Variants in RGS16 observed in about 807,000 individuals in gnomAD.
RGS16 encodes the protein hRGS-r.
Under a neutral mutation model 18.1 loss-of-function variants are expected in RGS16, and 12 were observed. That is an observed-to-expected ratio of 0.66 (90% CI 0.42 to 1.07). The LOEUF is 1.07. Among genes scored for constraint, RGS16 ranks in the 50% least tolerant of loss-of-function variants. The pLI, the probability that RGS16 is intolerant of heterozygous loss-of-function variation, is 0.00. For missense variants in RGS16, 238 were observed against 249.2 expected (o/e 0.95, Z 0.30); for synonymous variants, 88 against 102.0 (o/e 0.86, Z 0.83).
rs970909010 is a variant in RGS16 at position 182,600,156 on chromosome 1, ATTTTTTTTTTTT to A, written c.*124_*135del. 19 of 330,014 alleles carry A rather than the reference ATTTTTTTTTTTT, an allele frequency of 5.8e-5. No individual in the cohort carries two copies. Among genetic ancestry groups the A allele is most frequent in the East Asian group, 3.3e-4 (5 of 14,970 alleles). The allele number at this position is 330,014 out of a possible 1,614,324, so 20.4% of individuals were successfully genotyped here. A position where few individuals can be genotyped will look rare whatever the true frequency, so the allele number is the denominator to read the frequency against. On this transcript the variant is annotated 3_prime_UTR_variant, in exon 5 of 5. Transcript: ENST00000367558. ...CTTCCCAAACAGGCTGCTGGAGCGC[ATTTTTTTTTTTT>A]TTTTTTTTTTTTTTGTCCTCTTGCA...
At chr1:182,601,084 G>C (rs927537694) in intron 4 of RGS16, among the ~76,000 whole-genome samples, 2 of 152,210 alleles carry the variant, frequency 1.3e-5, no homozygotes, top group African/African-American at 4.8e-5. Flanking sequence ...CCGTGACTGT[G>C]ACAGGCAGGC....
At chr1:182,602,347 T>A (rs1411344547) in intron 3 of RGS16, 73 bp downstream of exon 3, 6 of 1,335,814 alleles carry the variant, frequency 4.5e-6, no homozygotes, top group Non-Finnish European at 6.4e-6. Flanking sequence ...CTCTCAGCAG[T>A]CCTGGGGCTG....
At chr1:182,603,754 G>A (rs941529123) in intron 1 of RGS16, among the ~76,000 whole-genome samples, 9 of 151,714 alleles carry the variant, frequency 5.9e-5, no homozygotes, top group Middle Eastern at 6.8e-3. Flanking sequence ...AAGCTGTTGA[G>A]TAGCTCTCTG....
At position 182,599,943 on chromosome 1, in the gene RGS16, T is replaced by G. The variant is rs190664888; in HGVS notation, c.*349A>C. On this transcript the variant is annotated 3_prime_UTR_variant, in exon 5 of 5. Coordinates refer to ENST00000367558, the MANE Select transcript of RGS16 (RefSeq NM_002928.4). ...ATTTTCATGGTTCCCTTTATCCACA[T>G]GTTTCCTAAACCACACTAGAACACT... 7.3e-6 allele frequency: 2 copies of G among 273,870 alleles called. No individual in the cohort carries two copies. The highest frequency in any genetic ancestry group is 1.5e-4 in the East Asian group (2 of 13,110). The allele number at this position is 273,870 out of a possible 1,614,324, so 17.0% of individuals were successfully genotyped here.
chr1:182,602,493 C>T lies in RGS16; in HGVS notation c.156-9G>A. 11 of 1,596,144 alleles carry T rather than the reference C, an allele frequency of 6.9e-6. No homozygotes were observed. The highest frequency in any genetic ancestry group is 9.4e-6 in the Non-Finnish European group (11 of 1,172,608). ...CTTCTGAGAAGTTTCTACTAAAAGA[C>T]AAAAAGAAAAAAAAAGAGTAAGAAA... is the stretch of plus-strand genomic sequence containing the variant. On this transcript the variant is annotated splice_polypyrimidine_tract_variant and intron_variant, in intron 2 of 4. Coordinates refer to ENST00000367558, the MANE Select transcript of RGS16 (RefSeq NM_002928.4).
chr1:182,602,232 A>C, intron 3 of RGS16, 100 bp from the exon 4 acceptor site: 1 of 1,373,440 alleles, frequency 7.3e-7, no homozygotes, highest in South Asian at 1.2e-5. Flanking sequence ...CTATTTTTAG[A>C]ACATAATTTT....
At chr1:182,602,355 C>G in intron 3 of RGS16, 65 bp downstream of exon 3, 1 of 1,404,744 alleles carries the variant, frequency 7.1e-7, no homozygotes, top group Non-Finnish European at 1.0e-6. Flanking sequence ...AGTCCTGGGG[C>G]TGGCTCCAAA....
chr1:182,600,581 C>A, intron 4 of RGS16, 68 bp from the exon 5 acceptor site: 5 of 1,317,308 alleles, frequency 3.8e-6, no homozygotes, highest in Non-Finnish European at 5.5e-6. Context: ...GGAGGGCCAA[C>A]GGCAGGCTGG....
chr1:182,603,373 C>T, intron 1 of RGS16, 34 bp from the exon 2 acceptor site: 1 of 1,561,208 alleles, frequency 6.4e-7, no homozygotes, highest in Non-Finnish European at 8.8e-7. Context: ...AAAGCATTCT[C>T]TCATTTGCTC....
chr1:182,603,384 A>G, intron 1 of RGS16, 45 bp from the exon 2 acceptor site: 1 of 1,533,720 alleles, frequency 6.5e-7, no homozygotes, highest in South Asian at 1.1e-5. Flanking sequence ...TCATTTGCTC[A>G]GCCAGTGTGG....
At chr1:182,601,672 G>A (rs1283107649) in intron 4 of RGS16, among the ~76,000 whole-genome samples, 1 of 152,204 alleles carries the variant, frequency 6.6e-6, no homozygotes, top group African/African-American at 2.4e-5. Flanking sequence ...TGTCTCCCCA[G>A]TTGCTAAGTG....
At position 182,603,224 on chromosome 1, in the gene RGS16, C is replaced by T. The variant is rs773607003; in HGVS notation, c.155+5G>A. 1 of 1,603,504 alleles carries T rather than the reference C, an allele frequency of 6.2e-7. No homozygotes were observed. Among genetic ancestry groups the T allele is most frequent in the African/African-American group, 1.3e-5 (1 of 74,834 alleles). ...CGGAGCCCTGAGCTGGTCAGCAACA[C>T]TTACTTCTCTTTGCTGTGTTTACTG... On this transcript the variant is annotated splice_donor_5th_base_variant and intron_variant, in intron 2 of 4. Coordinates refer to ENST00000367558, the MANE Select transcript of RGS16 (RefSeq NM_002928.4).
chr1:182,604,339 G>A lies in RGS16; in HGVS notation c.-80C>T. 7.0e-7 allele frequency: 1 copy of A among 1,425,890 alleles called. No homozygotes were observed. The highest frequency in any genetic ancestry group is 2.6e-5 in the East Asian group (1 of 38,316). The allele number at this position is 1,425,890 out of a possible 1,614,324, so 88.3% of individuals were successfully genotyped here. A position where few individuals can be genotyped will look rare whatever the true frequency, so the allele number is the denominator to read the frequency against. ...GCTCCGCGTGCGCCAGGAAGCAAAG[G>A]CGCGGTAGCAGGTGCTAGTCAACTG... On this transcript the variant is annotated 5_prime_UTR_variant, in exon 1 of 5. Coordinates refer to ENST00000367558, the MANE Select transcript of RGS16 (RefSeq NM_002928.4).
chr1:182,600,388 G>A lies in RGS16; in HGVS notation c.513C>T (p.Phe171=). Residue 171 remains phenylalanine, a synonymous_variant, in exon 5 of 5, where the codon TTC becomes TTT. Transcript: ENST00000367558. ...TLMEKDSYPR[F]LKSPAYRDLA... is the part of the protein sequence containing the mutation. ...GGTCCCGGTAAGCAGGCGACTTCAG[G>A]AAGCGTGGGTAGGAGTCCTTCTCCA... 2 of 1,614,026 alleles carry A rather than the reference G, an allele frequency of 1.2e-6. No individual in the cohort carries two copies. The highest frequency in any genetic ancestry group is 1.7e-6 in the Non-Finnish European group (2 of 1,179,990).
chr1:182,602,182 G>A, intron 3 of RGS16, 50 bp from the exon 4 acceptor site: 1 of 1,586,306 alleles, frequency 6.3e-7, no homozygotes, highest in Non-Finnish European at 8.6e-7. Context: ...GGGACAGCAG[G>A]GAATACAAGA....
chr1:182,603,155 C>G (rs1409319145), intron 2 of RGS16, 74 bp downstream of exon 2: 17 of 1,079,194 alleles, frequency 1.6e-5, no homozygotes, highest in Non-Finnish European at 2.3e-5. Context: ...TGGCTTCTCC[C>G]TGTATTTCCC....
intron 4 of RGS16, 113 bp from the exon 5 acceptor site, chr1:182,600,626 G>A (rs1661848533): frequency 2.4e-6 from 2 of 817,530 alleles, no homozygotes; most frequent in African/African-American, 3.4e-5. Context: ...GCATCAGGAA[G>A]TGGGGGCTCC....
Position 182,600,104 on chromosome 1 carries a change from C to A in RGS16, c.*188G>T, listed in dbSNP as rs1661833824. The A allele has an allele frequency of 1.7e-6, 1 of 602,554 alleles. No homozygotes were observed. Among genetic ancestry groups the A allele is most frequent in the Non-Finnish European group, 2.9e-6 (1 of 343,306 alleles). The allele number at this position is 602,554 out of a possible 1,614,324, so 37.3% of individuals were successfully genotyped here. On this transcript the variant is annotated 3_prime_UTR_variant, in exon 5 of 5. Transcript: ENST00000367558. ...GGGCGGCTCCTCTCCAGCATGAGTC[C>A]CACAGTATCTGAAGGAGAGACTGCT...
chr1:182,600,839 C>T (rs1661852258), intron 4 of RGS16, among the ~76,000 whole-genome samples: 1 of 152,226 alleles, frequency 6.6e-6, no homozygotes, highest in Admixed American at 6.5e-5. Context: ...TACCTGGTCT[C>T]TCTGCTACCT....
Sources: gnomAD v4.1 joint callset for allele counts (sites outside exome capture counted in the v4.1 genomes callset) on GRCh38, gnomAD v4.1.1 for gene constraint, MANE v1.5 for transcripts, NCBI Gene and HGNC (gene_info 2026-07-23, HGNC 2026-07-21) for gene names.